The following C1orf87 variants were observed in gnomAD, a reference collection of about 807,000 sequenced individuals.
The protein encoded by C1orf87 is chromosome 1 open reading frame 87, also known as uncharacterized protein C1orf87.
In C1orf87, 58 loss-of-function variants were observed where a neutral mutation model predicts 60.5. The ratio of observed to expected loss-of-function variants is 0.96; its 90% CI spans 0.78 to 1.19. C1orf87 has a LOEUF of 1.19. Among genes scored for constraint, C1orf87 ranks in the 50% most tolerant of loss-of-function variants. C1orf87 has a pLI of 0.00. For missense variants in C1orf87, 673 were observed against 638.6 expected, an observed-to-expected ratio of 1.05 and a Z score of -0.58; for synonymous variants, 236 against 227.4, an observed-to-expected ratio of 1.04 and a Z score of -0.34.
intron 9 of C1orf87, among the ~76,000 whole-genome samples, chr1:60,006,903 A>G (rs928433435): frequency 2.0e-5 from 3 of 149,786 alleles, no homozygotes; most frequent in African/African-American, 4.9e-5. Context: ...ACCATTTCCT[A>G]TGTGTCTCTT....
At chr1:60,037,924 T>C (rs953651750) in intron 6 of C1orf87, 68 bp downstream of exon 6, 5 of 1,053,534 alleles carry the variant, frequency 4.7e-6, no homozygotes, top group Non-Finnish European at 7.0e-6. Context: ...TTATGGTACT[T>C]TTTTATAGCA....
At chr1:60,019,134 C>A (rs1440532136) in intron 8 of C1orf87, among the ~76,000 whole-genome samples, 3 of 152,132 alleles carry the variant, frequency 2.0e-5, no homozygotes, top group Non-Finnish European at 4.4e-5. Flanking sequence ...ACTGTATTCT[C>A]CATGTGTTGA....
rs376608852 is a variant in C1orf87, at chr1:59,997,658, C to T, written c.1431G>A (p.Arg477=). 7.8e-5 allele frequency: 126 copies of T among 1,613,832 alleles called. No individual in the cohort carries two copies. The highest frequency in any genetic ancestry group is 1.1e-4 in the Non-Finnish European group (125 of 1,179,904). The change falls in exon 11 of 12, where the codon AGG becomes AGA. Residue 477 remains arginine (R), a synonymous_variant. Coordinates refer to ENST00000371201, the MANE Select transcript of C1orf87 (RefSeq NM_152377.3). ...KAEECETWID[R]FRKLENALYL... ...AGAGGGCATTTTCCAGCTTCCTGAA[C>T]CTGTCTATCCACGTCTCACATTCCT...
intron 3 of C1orf87, among the ~76,000 whole-genome samples, chr1:60,046,506 AT>A (rs1645372647): frequency 7.9e-6 from 1 of 126,106 alleles, no homozygotes; most frequent in Non-Finnish European, 1.6e-5. Context: ...CACAGCCATT[AT>A]TCACCACAGC....
chr1:59,999,117 G>A (rs1028185552), intron 10 of C1orf87, among the ~76,000 whole-genome samples: 3 of 152,068 alleles, frequency 2.0e-5, no homozygotes, highest in African/African-American at 4.8e-5. Context: ...GAGAATCCCA[G>A]AGCCCTAAAG....
chr1:60,021,518 G>C (rs1645163157), intron 8 of C1orf87, among the ~76,000 whole-genome samples: 1 of 152,152 alleles, frequency 6.6e-6, no homozygotes, highest in African/African-American at 2.4e-5. Flanking sequence ...TTACGTATCT[G>C]CATCCCTGAG....
intron 7 of C1orf87, among the ~76,000 whole-genome samples, chr1:60,028,428 A>G (rs1363634587): frequency 6.6e-6 from 1 of 152,204 alleles, no homozygotes; most frequent in Admixed American, 6.5e-5. Context: ...AATCACAGCA[A>G]TTCCACGTTA....
chr1:59,995,071 G>T (rs1003581202), intron 11 of C1orf87, among the ~76,000 whole-genome samples: 9 of 152,136 alleles, frequency 5.9e-5, no homozygotes, highest in Non-Finnish European at 1.2e-4. Flanking sequence ...CATGAGAAAG[G>T]CATTTCAAAT....
At chr1:60,050,204 AC>A (rs1305184633) in intron 3 of C1orf87, among the ~76,000 whole-genome samples, 1 of 152,090 alleles carries the variant, frequency 6.6e-6, no homozygotes, top group Non-Finnish European at 1.5e-5. Context: ...TTTATAAATT[AC>A]CCTAGGGAGG....
At chr1:60,023,317 C>A (rs1003862293) in intron 8 of C1orf87, among the ~76,000 whole-genome samples, 1 of 152,026 alleles carries the variant, frequency 6.6e-6, no homozygotes, top group Non-Finnish European at 1.5e-5. Flanking sequence ...TTCTGAGATT[C>A]CAATTTCCCA....
At chr1:60,014,555 C>T (rs556130572) in intron 8 of C1orf87, among the ~76,000 whole-genome samples, 1 of 151,882 alleles carries the variant, frequency 6.6e-6, no homozygotes. Context: ...AACAAACAAA[C>T]CTAAAGCACT....
intron 3 of C1orf87, 119 bp downstream of exon 3, chr1:60,055,085 A>G: frequency 1.1e-6 from 1 of 932,682 alleles, no homozygotes. Context: ...TCTTACTTCT[A>G]TCTCATGCAA....
chr1:60,059,780 C>A (rs1401884772), intron 2 of C1orf87, among the ~76,000 whole-genome samples: 1 of 152,154 alleles, frequency 6.6e-6, no homozygotes, highest in African/African-American at 2.4e-5. Context: ...TCAATGCCAC[C>A]AATTTCCAAC....
At position 60,040,148 on chromosome 1, in the gene C1orf87, A is replaced by C. The variant is rs1177783025; in HGVS notation, c.516T>G (p.Asn172Lys). 6.2e-7 allele frequency: 1 copy of C among 1,613,872 alleles called. No individual in the cohort carries two copies. The highest frequency in any genetic ancestry group is 1.1e-5 in the South Asian group (1 of 91,064). The part of the protein sequence containing the change: ...DIGQSPSGTT[N>K]EDAFLLALVR... Reference sequence around the variant, plus strand: ...CCAGGGCAAGAAGAAAAGCGTCTTCATTTGTTGTCCCACTTGGGCTCTGGC... The same window carrying C: ...CCAGGGCAAGAAGAAAAGCGTCTTCCTTTGTTGTCCCACTTGGGCTCTGGC... Residue 172 changes from asparagine (N) to lysine (K), a missense_variant, in exon 5 of 12, where the codon AAT (asparagine) becomes AAG (lysine). By Grantham distance (94) the Asn-to-Lys change is moderately conservative. Transcript: ENST00000371201.
At chr1:60,048,943 C>A (rs1645392959) in intron 3 of C1orf87, among the ~76,000 whole-genome samples, 1 of 152,046 alleles carries the variant, frequency 6.6e-6, no homozygotes, top group South Asian at 2.1e-4. Flanking sequence ...TCATAGTACT[C>A]CATGTATGGA....
rs571446098 is a variant in C1orf87, at chr1:60,053,061, T to C, written c.342+2143A>G. On this transcript the variant is annotated intron_variant, in intron 3 of 11. Coordinates refer to ENST00000371201, the MANE Select transcript of C1orf87 (RefSeq NM_152377.3). ...CTGCCGAGCTAGCAAATAATCCAGA[T>C]CATGGAGGTTAAGAACAGCTTACCT... Among the ~76,000 whole-genome samples the C allele has an allele frequency of 1.4e-4, 21 of 152,264 alleles. No individual in the cohort carries two copies. In the Middle Eastern group the frequency reaches 0.01, roughly 74 times the overall value.
In C1orf87 at chr1:60,010,391, C is replaced by T. The variant is rs775464373; in HGVS notation, c.1192+1G>A. On this transcript the variant is annotated splice_donor_variant, in intron 9 of 11. Transcript: ENST00000371201. LOFTEE classifies it high-confidence loss of function. The stretch of plus-strand genomic sequence containing the variant: ...TGGAGCAAAAAAATAATGGAACTCA[C>T]CTGTAGGCAAATCAGATAACAAATC... 20 of 1,611,738 alleles carry T rather than the reference C, an allele frequency of 1.2e-5. No individual in the cohort carries two copies. In the South Asian group the frequency reaches 1.8e-4, roughly 14 times the overall value.
intron 8 of C1orf87, among the ~76,000 whole-genome samples, chr1:60,018,046 C>A: frequency 6.6e-6 from 1 of 152,180 alleles, no homozygotes; most frequent in East Asian, 1.9e-4. Context: ...AGTCAGGAAG[C>A]AGCTCAGCAC....
At chr1:59,999,387 A>G (rs1644986150) in intron 10 of C1orf87, among the ~76,000 whole-genome samples, 1 of 152,176 alleles carries the variant, frequency 6.6e-6, no homozygotes, top group Admixed American at 6.5e-5. Flanking sequence ...TTTTTAGAGC[A>G]TTGGACTACT....
Sources: gnomAD v4.1 joint callset for allele counts (sites outside exome capture counted in the v4.1 genomes callset) on GRCh38, gnomAD v4.1.1 for gene constraint, MANE v1.5 for transcripts, NCBI Gene and HGNC (gene_info 2026-07-23, HGNC 2026-07-21) for gene names.